Variants in ELAPOR1 observed in about 807,000 individuals in gnomAD.
The protein encoded by ELAPOR1 is endosome-lysosome associated apoptosis and autophagy regulator 1.
A neutral mutation model predicts 119.7 loss-of-function variants in ELAPOR1; 77 were observed. That is an observed-to-expected ratio of 0.64 (90% confidence interval 0.54 to 0.78). ELAPOR1 has a LOEUF of 0.78. Ranked by LOEUF, ELAPOR1 falls within the 30% of genes least tolerant of loss-of-function variation. ELAPOR1 has a pLI of 0.00. For synonymous variants in ELAPOR1, 481 were observed against 487.2 expected, an observed-to-expected ratio of 0.99 and a Z score of 0.17; for missense variants, 1,115 against 1,270.4, an observed-to-expected ratio of 0.88 and a Z score of 1.86.
At chr1:109,161,282 C>T (rs1280145666) in intron 1 of ELAPOR1, among the ~76,000 whole-genome samples, 3 of 151,880 alleles carry the variant, frequency 2.0e-5, no homozygotes. Context: ...TGGTGGCACT[C>T]GCCTGTAGTC....
intron 1 of ELAPOR1, among the ~76,000 whole-genome samples, chr1:109,156,389 G>A (rs1650875222): frequency 6.6e-6 from 1 of 152,234 alleles, no homozygotes; most frequent in South Asian, 2.1e-4. Flanking sequence ...GTGGCATGAA[G>A]TACATTCACA....
chr1:109,182,903 C>T (rs1007815990), intron 7 of ELAPOR1, among the ~76,000 whole-genome samples: 1 of 150,550 alleles, frequency 6.6e-6, no homozygotes, highest in African/African-American at 2.4e-5. Flanking sequence ...TCCACTACAC[C>T]ATACTGCTTG....
rs1396309128 is a variant in ELAPOR1, at chr1:109,198,162, T to G, written c.2399+87T>G. ...CATCCCTCCCTCTCTAGCCACCTAC[T>G]GCTTATCAAGCCAGAACATGTCTGA... On this transcript the variant is annotated intron_variant, in intron 17 of 21. Transcript: ENST00000369939. 3.8e-6 allele frequency: 4 copies of G among 1,039,336 alleles called. No homozygotes were observed. The African/African-American group carries it at 6.2e-5, about 16-fold the overall frequency. The allele number at this position is 1,039,336 out of a possible 1,614,324, so 64.4% of individuals were successfully genotyped here. A position where few individuals can be genotyped will look rare whatever the true frequency, so the allele number is the denominator to read the frequency against.
chr1:109,169,838 T>A (rs375863423), intron 3 of ELAPOR1, among the ~76,000 whole-genome samples: 89 of 152,294 alleles, frequency 5.8e-4, no homozygotes, highest in African/African-American at 2.0e-3. Context: ...GAGGCTCACA[T>A]ACAGTTCTCC....
Position 109,172,485 on chromosome 1 carries a change from C to T in ELAPOR1, c.616-3C>T. ...CTCTGGTCCCAAACTCTTTTTATGT[C>T]AGGTTCAGAATGACCAGTGCCAGCC... On this transcript the variant is annotated splice_region_variant and splice_polypyrimidine_tract_variant and intron_variant, in intron 4 of 21. Transcript: ENST00000369939. 2.5e-6 allele frequency: 4 copies of T among 1,610,974 alleles called. No homozygotes were observed. The highest frequency in any genetic ancestry group is 3.4e-6 in the Non-Finnish European group (4 of 1,177,410).
intron 1 of ELAPOR1, among the ~76,000 whole-genome samples, chr1:109,152,559 C>A (rs143560606): frequency 0.056 from 8,566 of 152,046 alleles, 303 homozygotes; most frequent in African/African-American, 0.078. Flanking sequence ...TTATTCTTAG[C>A]CCTGTTAATG....
chr1:109,201,009 C>T, intron 21 of ELAPOR1, 109 bp downstream of exon 21: 1 of 980,026 alleles, frequency 1.0e-6, no homozygotes. Flanking sequence ...CCCTGCTCCC[C>T]ACGCCCGATA....
chr1:109,203,361 G>A lies in ELAPOR1; in HGVS notation c.*349G>A. On this transcript the variant is annotated 3_prime_UTR_variant, in exon 22 of 22. Transcript: ENST00000369939. ...CTTAAGTATAGAAACTATTTCCTCT[G>A]TCCTCTAACTTAAGGGCAGAAACAG... 4.1e-6 allele frequency: 1 copy of A among 245,254 alleles called. No homozygotes were observed. Among genetic ancestry groups the A allele is most frequent in the Non-Finnish European group, 7.8e-6 (1 of 128,456 alleles). 15.2% of individuals were successfully genotyped at this position (245,254 alleles called of 1,614,324 possible). A position where few individuals can be genotyped will look rare whatever the true frequency, so the allele number is the denominator to read the frequency against.
intron 1 of ELAPOR1, among the ~76,000 whole-genome samples, chr1:109,144,055 T>TATATATATATATATATATATA (rs1558029151): frequency 4.7e-5 from 3 of 64,362 alleles, no homozygotes; most frequent in African/African-American, 1.7e-4. Flanking sequence ...ATATATATAT[T>TATATATATATATATATATATA]TATATATTTT....
intron 8 of ELAPOR1, chr1:109,186,799 T>A (rs1178020183): frequency 1.0e-5 from 10 of 985,606 alleles, no homozygotes; most frequent in Non-Finnish European, 1.2e-5. Flanking sequence ...CTTCCCTCCC[T>A]GGGCTCACGC....
At chr1:109,139,407 G>A (rs971276088) in intron 1 of ELAPOR1, among the ~76,000 whole-genome samples, 2 of 152,076 alleles carry the variant, frequency 1.3e-5, no homozygotes, top group African/African-American at 4.8e-5. Flanking sequence ...AAGCACTCCT[G>A]AGGCACACTG....
At chr1:109,150,954 C>G (rs1365269681) in intron 1 of ELAPOR1, among the ~76,000 whole-genome samples, 1 of 151,942 alleles carries the variant, frequency 6.6e-6, no homozygotes, top group Non-Finnish European at 1.5e-5. Flanking sequence ...TAATAGACTC[C>G]TTAGAGGATC....
intron 21 of ELAPOR1, chr1:109,201,369 T>C (rs968602668): frequency 6.6e-6 from 3 of 456,126 alleles, no homozygotes; most frequent in Non-Finnish European, 1.3e-5. Flanking sequence ...GTCTCAGCTG[T>C]TCCCCACTGA....
chr1:109,200,375 GT>G, intron 20 of ELAPOR1, 138 bp downstream of exon 20: 1 of 1,029,786 alleles, frequency 9.7e-7, no homozygotes, highest in Non-Finnish European at 1.4e-6. Context: ...GCATGGTTTG[GT>G]TATCCTGACT....
chr1:109,145,052 G>A (rs537178193), intron 1 of ELAPOR1, among the ~76,000 whole-genome samples: 1 of 151,892 alleles, frequency 6.6e-6, no homozygotes, highest in Non-Finnish European at 1.5e-5. Flanking sequence ...CTTTTTTTGT[G>A]ATCTGCTTGC....
chr1:109,192,463 G>C, intron 13 of ELAPOR1, 148 bp from the exon 14 acceptor site: 1 of 814,786 alleles, frequency 1.2e-6, no homozygotes. Flanking sequence ...AGAGCTACTG[G>C]TAAGTGAGTA....
chr1:109,175,402 A>T (rs550615336), intron 7 of ELAPOR1, among the ~76,000 whole-genome samples: 1 of 143,426 alleles, frequency 7.0e-6, no homozygotes, highest in Admixed American at 6.9e-5. Flanking sequence ...GGGTTTCATT[A>T]TGTTGGCCAG....
chr1:109,194,492 C>T lies in ELAPOR1; in HGVS notation c.2019C>T (p.Phe673=). The change falls in exon 15 of 22, where the codon TTC becomes TTT. Residue 673 remains phenylalanine (F), a synonymous_variant. Transcript: ENST00000369939. ...CGACCAGGACTTTCAACTACAACTT[C>T]TCCGCTTTGGCAAACACTGTCACTC... The part of the protein sequence containing the change: ...NTPTRTFNYN[F]SALANTVTLA... The T allele has an allele frequency of 6.2e-7, 1 of 1,613,882 alleles. No individual in the cohort carries two copies. Among genetic ancestry groups the T allele is most frequent in the Non-Finnish European group, 8.5e-7 (1 of 1,179,712 alleles).
chr1:109,128,364 C>T (rs1648928861), intron 1 of ELAPOR1, among the ~76,000 whole-genome samples: 1 of 152,166 alleles, frequency 6.6e-6, no homozygotes, highest in African/African-American at 2.4e-5. Context: ...TTTTCCTGAC[C>T]TGATGCAAAA....
Sources: gnomAD v4.1 joint callset for allele counts (sites outside exome capture counted in the v4.1 genomes callset) on GRCh38, gnomAD v4.1.1 for gene constraint, MANE v1.5 for transcripts, NCBI Gene and HGNC (gene_info 2026-07-23, HGNC 2026-07-21) for gene names.